The following DCLK1 variants were observed in gnomAD, a reference collection of about 807,000 sequenced individuals.
The protein encoded by DCLK1 is serine/threonine-protein kinase DCLK1.
A neutral mutation model predicts 86.2 loss-of-function variants in DCLK1; 16 were observed. The ratio of observed to expected loss-of-function variants is 0.19; its 90% CI spans 0.13 to 0.28. The LOEUF is 0.28. Ranked by LOEUF, DCLK1 falls within the 10% of genes least tolerant of loss-of-function variation. The pLI is 1.00. For synonymous variants in DCLK1, 369 were observed against 370.5 expected, an observed-to-expected ratio of 1.00 and a Z score of 0.05; for missense variants, 590 against 940.2, an observed-to-expected ratio of 0.63 and a Z score of 4.87.
intron 4 of DCLK1, among the ~76,000 whole-genome samples, chr13:35,931,694 G>A (rs909909827): frequency 1.2e-4 from 19 of 152,166 alleles, no homozygotes; most frequent in Non-Finnish European, 4.4e-5. Flanking sequence ...AGAAACAGCT[G>A]AGGAAACTTT....
intron 6 of DCLK1, among the ~76,000 whole-genome samples, chr13:35,851,310 C>T (rs187865862): frequency 6.6e-5 from 10 of 152,252 alleles, no homozygotes; most frequent in African/African-American, 2.4e-4. Context: ...ACCCACCTCA[C>T]CCCAAATCCC....
At chr13:35,776,163 G>C (rs2086421036) in intron 16 of DCLK1, among the ~76,000 whole-genome samples, 1 of 152,098 alleles carries the variant, frequency 6.6e-6, no homozygotes. Context: ...ATAGTTCTTA[G>C]TCTTAAACCT....
chr13:36,065,484 T>C (rs1926315), intron 3 of DCLK1, among the ~76,000 whole-genome samples: 230 of 152,362 alleles, frequency 1.5e-3, no homozygotes, highest in African/African-American at 5.1e-3. Flanking sequence ...AACCTATCTA[T>C]ATTTTCATAT....
intron 16 of DCLK1, among the ~76,000 whole-genome samples, chr13:35,782,283 C>A (rs1012620577): frequency 6.6e-6 from 1 of 152,116 alleles, no homozygotes; most frequent in Non-Finnish European, 1.5e-5. Context: ...AAAATTACAG[C>A]CAATTGGTGG....
intron 16 of DCLK1, among the ~76,000 whole-genome samples, chr13:35,792,309 ACT>A (rs1401108411): frequency 3.9e-5 from 6 of 152,108 alleles, no homozygotes; most frequent in Admixed American, 3.3e-4. Context: ...CATATCAAAT[ACT>A]CAGTAACCCA....
At chr13:35,958,202 C>CACTATAACCACCACCACCACCACTATA (rs1351166734) in intron 3 of DCLK1, among the ~76,000 whole-genome samples, 1 of 64,164 alleles carries the variant, frequency 1.6e-5, no homozygotes, top group Non-Finnish European at 3.1e-5. Flanking sequence ...CCACCACCAC[C>CACTATAACCACCACCACCACCACTATA]ATTATAACCA....
intron 3 of DCLK1, among the ~76,000 whole-genome samples, chr13:35,989,046 A>G (rs1880081718): frequency 2.0e-5 from 3 of 152,100 alleles, no homozygotes; most frequent in Admixed American, 6.5e-5. Context: ...TTCAGCAAAC[A>G]ATAAATAGAA....
chr13:35,855,088 C>G (rs1870952127), intron 5 of DCLK1, among the ~76,000 whole-genome samples: 1 of 152,212 alleles, frequency 6.6e-6, no homozygotes, highest in Non-Finnish European at 1.5e-5. Context: ...TGTGTCTTGT[C>G]CATCCCCCTA....
At chr13:36,126,830 C>G (rs1198091913) in intron 1 of DCLK1, among the ~76,000 whole-genome samples, 1 of 152,182 alleles carries the variant, frequency 6.6e-6, no homozygotes, top group East Asian at 1.9e-4. Context: ...TCCCAATAGA[C>G]ACAACAACTT....
intron 4 of DCLK1, among the ~76,000 whole-genome samples, chr13:35,914,715 C>CAA (rs575665168): frequency 9.5e-6 from 1 of 105,200 alleles, no homozygotes; most frequent in Non-Finnish European, 2.0e-5. Flanking sequence ...GATTCTATCT[C>CAA]AAAAAAAAAA....
At position 36,044,953 on chromosome 13, in the gene DCLK1, T is replaced by C. The variant is rs377242660; in HGVS notation, c.723+66916A>G. On this transcript the variant is annotated intron_variant, in intron 3 of 16. Coordinates refer to ENST00000360631, the MANE Select transcript of DCLK1 (RefSeq NM_001330071.2). ...GCTTTGTTATACATCTTTGGTACTA[T>C]TTGATTTCTAAGTACATTATTTCTT... is the stretch of plus-strand genomic sequence containing the variant. Among the ~76,000 whole-genome samples, 27 of 152,140 alleles carry C rather than the reference T, an allele frequency of 1.8e-4. No homozygotes were observed. The East Asian group carries it at 3.5e-3, about 20-fold the overall frequency.
intron 2 of DCLK1, 75 bp downstream of exon 2, chr13:36,125,687 G>A (rs556922359): frequency 3.3e-6 from 5 of 1,528,100 alleles, no homozygotes; most frequent in Admixed American, 3.9e-5. Context: ...GAGGGCAAAT[G>A]CGAATCGGCT....
At chr13:35,849,168 CT>C (rs1870426626) in intron 6 of DCLK1, 3 of 984,884 alleles carry the variant, frequency 3.0e-6, no homozygotes, top group Admixed American at 6.2e-5. Flanking sequence ...TCTTCCTCTT[CT>C]TTTGGTTGGA....
chr13:35,936,140 G>A (rs1876737892), intron 4 of DCLK1, among the ~76,000 whole-genome samples: 1 of 152,100 alleles, frequency 6.6e-6, no homozygotes, highest in Admixed American at 6.6e-5. Flanking sequence ...AGGGTCAAGG[G>A]GAGAGAATTT....
chr13:35,951,493 C>G (rs931408272), intron 3 of DCLK1, among the ~76,000 whole-genome samples: 1 of 150,502 alleles, frequency 6.6e-6, no homozygotes, highest in Non-Finnish European at 1.5e-5. Flanking sequence ...GCCTATTGCT[C>G]AGTTGCAGAT....
chr13:35,871,696 T>C (rs779889671), intron 4 of DCLK1, among the ~76,000 whole-genome samples: 8 of 152,174 alleles, frequency 5.3e-5, no homozygotes, highest in African/African-American at 1.4e-4. Flanking sequence ...TAAACTGTTG[T>C]TGCTTCCAAG....
intron 3 of DCLK1, among the ~76,000 whole-genome samples, chr13:36,079,756 C>G (rs1884349548): frequency 6.6e-6 from 1 of 152,130 alleles, no homozygotes; most frequent in African/African-American, 2.4e-5. Flanking sequence ...AAAATTGTTT[C>G]AAGCATTGAA....
intron 12 of DCLK1, among the ~76,000 whole-genome samples, chr13:35,809,925 A>G (rs1021617650): frequency 6.6e-6 from 1 of 152,114 alleles, no homozygotes; most frequent in Non-Finnish European, 1.5e-5. Context: ...ACTATCTCCA[A>G]CTGGTCACAG....
chr13:35,781,826 C>T (rs1423487032), intron 16 of DCLK1, among the ~76,000 whole-genome samples: 1 of 152,190 alleles, frequency 6.6e-6, no homozygotes. Context: ...TCTGTGGGGA[C>T]TACATTACGA....
Sources: allele counts gnomAD v4.1 joint callset (sites outside exome capture counted in the v4.1 genomes callset), GRCh38; gene constraint gnomAD v4.1.1; transcripts MANE v1.5; gene names NCBI Gene and HGNC (gene_info 2026-07-23, HGNC 2026-07-21).